The following PDE11A variants were observed in gnomAD, a reference collection of about 807,000 sequenced individuals.
PDE11A encodes dual 3',5'-cyclic-AMP and -GMP phosphodiesterase 11A.
Under a neutral mutation model 100.5 loss-of-function variants are expected in PDE11A, and 100 were observed. The ratio of observed to expected loss-of-function variants is 1.00; its 90% CI spans 0.85 to 1.18. The LOEUF (loss-of-function observed/expected upper bound fraction) is 1.18. PDE11A is among the 50% of genes most tolerant of loss of function. The pLI is 0.00. For missense variants in PDE11A, 1,141 were observed against 1,152.6 expected, an observed-to-expected ratio of 0.99 and a Z score of 0.15; for synonymous variants, 381 against 420.8, an observed-to-expected ratio of 0.91 and a Z score of 1.16.
rs1021516812 is a variant in PDE11A at position 177,981,895 on chromosome 2, T to C, written c.1071+32407A>G. On this transcript the variant is annotated intron_variant, in intron 2 of 19. Coordinates refer to ENST00000286063, the MANE Select transcript of PDE11A (RefSeq NM_016953.4). ...TGGAATGACATAGGTATGAACTTAA[T>C]GAGTATCCTTCCTGCGCTTAGCTGA... Among the ~76,000 whole-genome samples, 17 of 151,102 alleles carry C rather than the reference T, an allele frequency of 1.1e-4. 1 individual carries two copies. Among genetic ancestry groups the C allele is most frequent in the Admixed American group, 2.6e-4 (4 of 15,172 alleles).
At chr2:177,769,642 T>C (rs955560031) in intron 9 of PDE11A, among the ~76,000 whole-genome samples, 1 of 152,058 alleles carries the variant, frequency 6.6e-6, no homozygotes, top group Non-Finnish European at 1.5e-5. Context: ...AATCCCAGCA[T>C]TTGGGAGGGC....
intron 2 of PDE11A, among the ~76,000 whole-genome samples, chr2:178,099,145 G>A (rs2087530796): frequency 6.6e-6 from 1 of 152,124 alleles, no homozygotes; most frequent in South Asian, 2.1e-4. Flanking sequence ...ATACAGTACG[G>A]CCAGGAACAG....
intron 6 of PDE11A, among the ~76,000 whole-genome samples, chr2:177,825,590 G>C (rs754771077): frequency 6.6e-6 from 1 of 152,184 alleles, no homozygotes; most frequent in African/African-American, 2.4e-5. Flanking sequence ...GCAGGGGCTG[G>C]AGGAAAAGGA....
At chr2:177,806,851 G>A (rs2082880036) in intron 9 of PDE11A, among the ~76,000 whole-genome samples, 1 of 151,978 alleles carries the variant, frequency 6.6e-6, no homozygotes, top group Admixed American at 6.6e-5. Context: ...AGTTTCTGCA[G>A]AGAAATAAAA....
intron 2 of PDE11A, among the ~76,000 whole-genome samples, chr2:177,932,561 A>C (rs1272003175): frequency 6.6e-6 from 1 of 152,202 alleles, no homozygotes; most frequent in Non-Finnish European, 1.5e-5. Flanking sequence ...TAAAAACAAA[A>C]TCAAAAGATC....
intron 2 of PDE11A, among the ~76,000 whole-genome samples, chr2:178,011,217 G>C (rs769392418): frequency 2.6e-5 from 4 of 152,138 alleles, no homozygotes; most frequent in Non-Finnish European, 4.4e-5. Context: ...TTCTCTCAGT[G>C]GCTCTGAGTT....
In PDE11A at chr2:177,629,306, G is replaced by A. The variant is rs2079880769; in HGVS notation, c.*101C>T. ...ATGCTTCCCAGTGCATCCTTGAGAT[G>A]TTAGGTCTTTCTGAGCTAAAAGAAC... On this transcript the variant is annotated 3_prime_UTR_variant, in exon 20 of 20. Coordinates refer to ENST00000286063, the MANE Select transcript of PDE11A (RefSeq NM_016953.4). 2 of 1,041,368 alleles carry A rather than the reference G, an allele frequency of 1.9e-6. No homozygotes were observed. The highest frequency in any genetic ancestry group is 2.4e-5 in the East Asian group (1 of 42,302). 64.5% of individuals were successfully genotyped at this position (1,041,368 alleles called of 1,614,324 possible). A position where few individuals can be genotyped will look rare whatever the true frequency, so the allele number is the denominator to read the frequency against.
In PDE11A at chr2:178,072,126, A is replaced by G; in HGVS notation, c.312T>C (p.Gly104=). 1 of 1,613,692 alleles carries G rather than the reference A, an allele frequency of 6.2e-7. No homozygotes were observed. Among genetic ancestry groups the G allele is most frequent in the Non-Finnish European group, 8.5e-7 (1 of 1,179,694 alleles). The change falls in exon 1 of 20, where the codon GGT becomes GGC. Residue 104 remains glycine, a synonymous_variant. Coordinates refer to ENST00000286063, the MANE Select transcript of PDE11A (RefSeq NM_016953.4). ...GCAGGTTCCCATCGCCCCTGCTGCC[A>G]CCGGCCCAGCTGGGACTCAAGGGAA... ...GGVPLSPSWA[G]GSRGDGNLQR...
chr2:177,745,872 G>A (rs1281831781), intron 10 of PDE11A, among the ~76,000 whole-genome samples: 2 of 152,204 alleles, frequency 1.3e-5, no homozygotes, highest in East Asian at 3.9e-4. Flanking sequence ...ATGGCTGCCA[G>A]CTGAGGAGAC....
At chr2:177,972,244 G>A (rs1297382948) in intron 2 of PDE11A, among the ~76,000 whole-genome samples, 2 of 152,208 alleles carry the variant, frequency 1.3e-5, no homozygotes, top group African/African-American at 4.8e-5. Context: ...GGGCATGCAG[G>A]AAAGAGAAGC....
intron 19 of PDE11A, among the ~76,000 whole-genome samples, chr2:177,660,255 A>G (rs887098936): frequency 1.3e-5 from 2 of 151,662 alleles, no homozygotes; most frequent in Non-Finnish European, 3.0e-5. Context: ...ACATATAAAC[A>G]TATGGATATA....
chr2:177,875,947 T>C, intron 4 of PDE11A, 24 bp from the exon 5 acceptor site: 1 of 1,434,876 alleles, frequency 7.0e-7, no homozygotes. Context: ...AGATAATAAA[T>C]CCAGGTCAAT....
chr2:178,106,348 T>C (rs1413672123), intron 1 of PDE11A, among the ~76,000 whole-genome samples: 1 of 152,204 alleles, frequency 6.6e-6, no homozygotes, highest in Admixed American at 6.5e-5. Flanking sequence ...CAAAAACAAC[T>C]AAGCTATTAA....
chr2:177,669,304 T>C (rs2080637269), intron 18 of PDE11A, among the ~76,000 whole-genome samples, 189 bp downstream of exon 18: 1 of 152,198 alleles, frequency 6.6e-6, no homozygotes, highest in Non-Finnish European at 1.5e-5. Context: ...GTTAAGTAGC[T>C]CACCACTCTT....
intron 10 of PDE11A, among the ~76,000 whole-genome samples, chr2:177,741,898 G>A (rs928627466): frequency 1.3e-5 from 2 of 152,166 alleles, no homozygotes; most frequent in Non-Finnish European, 2.9e-5. Context: ...CGGGCACAGT[G>A]GTGCACGCCT....
intron 2 of PDE11A, among the ~76,000 whole-genome samples, chr2:177,945,090 G>T (rs551065797): frequency 6.6e-6 from 1 of 150,596 alleles, no homozygotes; most frequent in African/African-American, 2.4e-5. Flanking sequence ...CCGAGGTGCC[G>T]GGATTGCAGA....
At chr2:177,659,138 G>C (rs12990878) in intron 19 of PDE11A, among the ~76,000 whole-genome samples, 106,090 of 151,628 alleles carry the variant, frequency 0.7, 37,842 homozygotes, top group Admixed American at 0.79. Flanking sequence ...GTGCATGCCT[G>C]TAATCTCTGC....
exon 2 of PDE11A, chr2:178,104,457 T>C: frequency 6.2e-7 from 1 of 1,614,030 alleles, no homozygotes; most frequent in Non-Finnish European, 8.5e-7. Context: ...CTTGCCTGCT[T>C]CAGCATCTCC....
chr2:177,701,213 T>A lies in PDE11A; in HGVS notation c.2154-2A>T. 1.3e-6 allele frequency: 2 copies of A among 1,498,910 alleles called. No individual in the cohort carries two copies. Among genetic ancestry groups the A allele is most frequent in the Non-Finnish European group, 1.9e-6 (2 of 1,075,158 alleles). The allele number at this position is 1,498,910 out of a possible 1,614,324, so 92.9% of individuals were successfully genotyped here. A position where few individuals can be genotyped will look rare whatever the true frequency, so the allele number is the denominator to read the frequency against. ...AGTTGGGCCAGGGCAGAGCCACTCC[T>A]GAAAGAGGACAGAGGGTGAGTGAGC... On this transcript the variant is annotated splice_acceptor_variant, in intron 13 of 19. Transcript: ENST00000286063. LOFTEE classifies it high-confidence loss of function.
Sources: gnomAD v4.1 joint callset for allele counts (sites outside exome capture counted in the v4.1 genomes callset) on GRCh38, gnomAD v4.1.1 for gene constraint, MANE v1.5 for transcripts, NCBI Gene and HGNC (gene_info 2026-07-23, HGNC 2026-07-21) for gene names.